CPED1: variants seen among roughly 807,000 people sequenced by gnomAD.
The protein encoded by CPED1 is cadherin-like and PC-esterase domain-containing protein 1.
A neutral mutation model predicts 128.2 loss-of-function variants in CPED1; 114 were observed. The ratio of observed to expected loss-of-function variants is 0.89; its 90% CI spans 0.76 to 1.04. The LOEUF (loss-of-function observed/expected upper bound fraction) is 1.04. Ranked by LOEUF, CPED1 falls within the 50% of genes least tolerant of loss-of-function variation. The pLI, the probability that CPED1 is intolerant of heterozygous loss-of-function variation, is 0.00. For missense variants in CPED1, 1,211 were observed against 1,207.1 expected (o/e 1.00, Z -0.05); for synonymous variants, 462 against 426.7 (o/e 1.08, Z -1.02).
intron 18 of CPED1, among the ~76,000 whole-genome samples, chr7:121,255,436 T>C (rs1300116148): frequency 1.3e-5 from 2 of 152,110 alleles, no homozygotes; most frequent in African/African-American, 4.8e-5. Context: ...GAGCCATCTA[T>C]GACAAACCCA....
At chr7:121,274,082 G>C (rs552566806) in intron 22 of CPED1, among the ~76,000 whole-genome samples, 1 of 152,040 alleles carries the variant, frequency 6.6e-6, no homozygotes, top group Admixed American at 6.6e-5. Context: ...TTGCAGAAAG[G>C]TGTCTACTTT....
chr7:121,238,275 T>G (rs1215191830), intron 17 of CPED1, among the ~76,000 whole-genome samples: 1 of 152,150 alleles, frequency 6.6e-6, no homozygotes, highest in Non-Finnish European at 1.5e-5. Flanking sequence ...ACAAATCAAG[T>G]GCACGCTCCT....
rs145525588 is a variant in CPED1, at chr7:121,207,389, C to T, written c.2056-29325C>T. Among the ~76,000 whole-genome samples, 519 of 152,116 alleles carry T rather than the reference C, an allele frequency of 3.4e-3. 3 individuals carry two copies. The highest frequency in any genetic ancestry group is 0.02 in the Middle Eastern group (6 of 294). ...CTCACCAACTAATGCTAGTTAACAT[C>T]ATTATAACTTAAAGTAAAAAATGTA... is the stretch of plus-strand genomic sequence containing the variant. On this transcript the variant is annotated intron_variant, in intron 16 of 22. Transcript: ENST00000310396.
chr7:121,195,318 T>C (rs1797247456), intron 16 of CPED1, among the ~76,000 whole-genome samples: 1 of 152,170 alleles, frequency 6.6e-6, no homozygotes, highest in South Asian at 2.1e-4. Flanking sequence ...TATTTTTGCT[T>C]TATTCTTTCC....
In CPED1 at chr7:121,071,978, C is replaced by G. The variant is rs141388572; in HGVS notation, c.616+7665C>G. Among the ~76,000 whole-genome samples, 1,181 of 152,170 alleles carry G rather than the reference C, an allele frequency of 7.8e-3. 16 individuals carry two copies. Among genetic ancestry groups the G allele is most frequent in the African/African-American group, 0.027 (1,121 of 41,496 alleles). On this transcript the variant is annotated intron_variant, in intron 5 of 22. Transcript: ENST00000310396. Reference sequence around the variant, plus strand: ...GCCTTCCTCATTCCTTCAACACCACCAATCTTGGAAACTCAGATGACATTT... The same window carrying G: ...GCCTTCCTCATTCCTTCAACACCACGAATCTTGGAAACTCAGATGACATTT...
At chr7:121,044,336 A>G (rs112266919) in intron 3 of CPED1, among the ~76,000 whole-genome samples, 1,724 of 152,312 alleles carry the variant, frequency 0.011, 25 homozygotes, top group Middle Eastern at 0.034. Flanking sequence ...AATGCGGGTA[A>G]CAGTGGGAGT....
At position 121,287,345 on chromosome 7, in the gene CPED1, T is replaced by G. The variant is rs78523979; in HGVS notation, c.2869-8095T>G. On this transcript the variant is annotated intron_variant, in intron 22 of 22. Transcript: ENST00000310396. Reference sequence around the variant, plus strand: ...ATGGTGTCTTCCTGGAGAAGCAACATTTTAATTTTGGCAATGACGCCAAGG... The same window carrying G: ...ATGGTGTCTTCCTGGAGAAGCAACAGTTTAATTTTGGCAATGACGCCAAGG... 7.3e-3 allele frequency among the ~76,000 whole-genome samples: 1,093 copies of G among 150,044 alleles called. 11 individuals are homozygous for G. Among genetic ancestry groups the G allele is most frequent in the Non-Finnish European group, 0.013 (853 of 67,698 alleles).
chr7:121,001,088 T>C (rs963195576), intron 2 of CPED1, among the ~76,000 whole-genome samples: 5 of 152,194 alleles, frequency 3.3e-5, no homozygotes, highest in South Asian at 4.1e-4. Context: ...ATGTAGCATG[T>C]ATTTTTGATT....
At chr7:121,252,904 C>A (rs1398645580) in intron 18 of CPED1, among the ~76,000 whole-genome samples, 1 of 152,122 alleles carries the variant, frequency 6.6e-6, no homozygotes, top group Non-Finnish European at 1.5e-5. Context: ...GTTGGTGTGG[C>A]AATTCCTCAG....
chr7:121,052,838 C>T (rs189397116), intron 4 of CPED1, among the ~76,000 whole-genome samples: 16 of 152,238 alleles, frequency 1.1e-4, no homozygotes, highest in African/African-American at 3.9e-4. Context: ...TTCTCACGCT[C>T]AGCTTCCCAA....
chr7:121,001,425 G>GAGTATGC (rs1401850536), intron 2 of CPED1, among the ~76,000 whole-genome samples: 1 of 152,128 alleles, frequency 6.6e-6, no homozygotes, highest in East Asian at 1.9e-4. Flanking sequence ...AGCATATTTT[G>GAGTATGC]AGTATGCTTG....
intron 22 of CPED1, among the ~76,000 whole-genome samples, chr7:121,294,139 T>C (rs1213970551): frequency 6.6e-6 from 1 of 152,152 alleles, no homozygotes; most frequent in Non-Finnish European, 1.5e-5. Context: ...TTAAAGCTGA[T>C]AATTATATGA....
chr7:121,211,468 C>T (rs753247524), intron 16 of CPED1, among the ~76,000 whole-genome samples: 1 of 152,096 alleles, frequency 6.6e-6, no homozygotes, highest in Non-Finnish European at 1.5e-5. Context: ...GGCAGAGTAA[C>T]AACTACAAAA....
intron 22 of CPED1, among the ~76,000 whole-genome samples, chr7:121,288,420 G>A (rs1792628119): frequency 6.6e-6 from 1 of 152,114 alleles, no homozygotes. Flanking sequence ...CTGGTCCTCA[G>A]AAGCTACAAG....
intron 16 of CPED1, among the ~76,000 whole-genome samples, chr7:121,159,469 T>A (rs1242820018): frequency 1.3e-5 from 2 of 152,176 alleles, no homozygotes; most frequent in African/African-American, 4.8e-5. Flanking sequence ...GGATTTGTTA[T>A]GCCGGGTACA....
chr7:121,295,086 G>A (rs190976685), intron 22 of CPED1, among the ~76,000 whole-genome samples: 63 of 151,656 alleles, frequency 4.2e-4, no homozygotes, highest in African/African-American at 1.5e-3. Flanking sequence ...GCACACCAGT[G>A]CCTTTCCTAT....
intron 22 of CPED1, among the ~76,000 whole-genome samples, chr7:121,277,714 A>G (rs1046763259): frequency 6.6e-6 from 1 of 152,040 alleles, no homozygotes; most frequent in East Asian, 1.9e-4. Flanking sequence ...TGCCCACTGT[A>G]TGTGTGAGGT....
intron 16 of CPED1, among the ~76,000 whole-genome samples, chr7:121,218,035 A>T (rs202186785): frequency 2.0e-5 from 3 of 149,788 alleles, no homozygotes; most frequent in African/African-American, 4.9e-5. Flanking sequence ...CCCAGGCTGG[A>T]GTGCAGTGGC....
At chr7:121,105,980 A>G (rs979507049) in intron 7 of CPED1, among the ~76,000 whole-genome samples, 2 of 152,176 alleles carry the variant, frequency 1.3e-5, no homozygotes, top group South Asian at 2.1e-4. Context: ...ACTTAAGCAG[A>G]TGACTCTAAG....
Sources: gnomAD v4.1 joint callset for allele counts (sites outside exome capture counted in the v4.1 genomes callset) on GRCh38, gnomAD v4.1.1 for gene constraint, MANE v1.5 for transcripts, NCBI Gene and HGNC (gene_info 2026-07-23, HGNC 2026-07-21) for gene names.